The following PAK5 variants were observed in gnomAD, a reference collection of about 807,000 sequenced individuals.
PAK5 encodes the protein p21 (RAC1) activated kinase 5, also known as serine/threonine-protein kinase PAK 5.
PAK5 carries 16 observed loss-of-function variants against 65.9 expected under a neutral mutation model. The observed-to-expected ratio is 0.24, with a 90% CI of 0.16 to 0.37. The LOEUF is 0.37. Among genes scored for constraint, PAK5 ranks in the 10% least tolerant of loss-of-function variants. The probability of loss-of-function intolerance (pLI) is 1.00; values close to 1 mark genes in which losing one functional copy is unlikely to be tolerated. For missense variants in PAK5, 785 were observed against 903.9 expected, an observed-to-expected ratio of 0.87 and a Z score of 1.69; for synonymous variants, 371 against 354.9, an observed-to-expected ratio of 1.05 and a Z score of -0.51.
chr20:9,816,713 T>TG (rs1232906467), intron 1 of PAK5, among the ~76,000 whole-genome samples: 2 of 152,156 alleles, frequency 1.3e-5, no homozygotes, highest in Admixed American at 6.6e-5. Flanking sequence ...GTCTTTAGCT[T>TG]GCAGATAGCA....
intron 7 of PAK5, among the ~76,000 whole-genome samples, chr20:9,547,302 C>T (rs1360471004): frequency 6.6e-6 from 1 of 152,130 alleles, no homozygotes; most frequent in Non-Finnish European, 1.5e-5. Context: ...CATGAGAATA[C>T]ATTTCATGCA....
At chr20:9,689,734 T>C (rs2047766835) in intron 2 of PAK5, among the ~76,000 whole-genome samples, 1 of 152,222 alleles carries the variant, frequency 6.6e-6, no homozygotes, top group Non-Finnish European at 1.5e-5. Flanking sequence ...ATGATTACCT[T>C]GGGGTTTGAA....
chr20:9,736,153 G>A (rs1286507849), intron 1 of PAK5, among the ~76,000 whole-genome samples: 1 of 151,764 alleles, frequency 6.6e-6, no homozygotes, highest in Non-Finnish European at 1.5e-5. Context: ...CACCCACCTC[G>A]GCATCCCAAA....
intron 4 of PAK5, among the ~76,000 whole-genome samples, chr20:9,575,102 C>T (rs2045862577): frequency 6.6e-6 from 1 of 152,202 alleles, no homozygotes; most frequent in Non-Finnish European, 1.5e-5. Context: ...CCAGGGAAAG[C>T]AAAGTGATAG....
chr20:9,776,430 T>C (rs2048887679), intron 1 of PAK5, among the ~76,000 whole-genome samples: 1 of 152,230 alleles, frequency 6.6e-6, no homozygotes, highest in African/African-American at 2.4e-5. Flanking sequence ...ATGGGGAGTA[T>C]GGTGGCTTTA....
chr20:9,589,446 T>C (rs997468448), intron 3 of PAK5, among the ~76,000 whole-genome samples: 1 of 152,230 alleles, frequency 6.6e-6, no homozygotes, highest in Non-Finnish European at 1.5e-5. Context: ...AGATATTTTA[T>C]CTATTTTCTT....
chr20:9,610,466 C>T (rs952809252), intron 3 of PAK5, among the ~76,000 whole-genome samples: 6 of 152,174 alleles, frequency 3.9e-5, no homozygotes, highest in African/African-American at 1.4e-4. Flanking sequence ...TAGACCGATT[C>T]TGCATGGTGC....
chr20:9,667,000 G>C (rs143846093), intron 2 of PAK5, among the ~76,000 whole-genome samples: 1 of 152,076 alleles, frequency 6.6e-6, no homozygotes, highest in African/African-American at 2.4e-5. Context: ...AGAGTAGATC[G>C]GGCATAGTGG....
At chr20:9,773,890 G>T (rs566776756) in intron 1 of PAK5, among the ~76,000 whole-genome samples, 14 of 152,342 alleles carry the variant, frequency 9.2e-5, no homozygotes, top group Non-Finnish European at 1.5e-4. Flanking sequence ...TGCTCAGGCA[G>T]TCTGAGTCCT....
chr20:9,589,859 G>C (rs1018421104), intron 3 of PAK5, among the ~76,000 whole-genome samples: 5 of 152,050 alleles, frequency 3.3e-5, no homozygotes, highest in African/African-American at 1.2e-4. Context: ...TAGTGGAGAT[G>C]GGGTTTCACC....
At chr20:9,727,081 A>G (rs2048285575) in intron 1 of PAK5, among the ~76,000 whole-genome samples, 1 of 152,198 alleles carries the variant, frequency 6.6e-6, no homozygotes, top group Admixed American at 6.5e-5. Context: ...TACAGGGAAT[A>G]TCAAACGTGT....
intron 1 of PAK5, among the ~76,000 whole-genome samples, chr20:9,794,181 G>T (rs6039584): frequency 6.6e-6 from 1 of 151,312 alleles, no homozygotes; most frequent in African/African-American, 2.4e-5. Flanking sequence ...ATGTTGGGGG[G>T]TGGGGGCAAG....
At chr20:9,565,790 T>C in intron 5 of PAK5, 103 bp downstream of exon 5, 1 of 1,208,808 alleles carries the variant, frequency 8.3e-7, no homozygotes, top group Non-Finnish European at 1.2e-6. Flanking sequence ...TCTTTATATT[T>C]TCAGTGCTTT....
At chr20:9,725,964 T>C (rs1348260888) in intron 1 of PAK5, among the ~76,000 whole-genome samples, 2 of 152,126 alleles carry the variant, frequency 1.3e-5, no homozygotes, top group Non-Finnish European at 2.9e-5. Context: ...TTTGACATCC[T>C]AGAGGAAAGG....
intron 2 of PAK5, among the ~76,000 whole-genome samples, chr20:9,652,444 AT>A (rs1198655453): frequency 1.3e-5 from 2 of 152,208 alleles, no homozygotes; most frequent in Admixed American, 1.3e-4. Context: ...CTAAAAAAAA[AT>A]CATTATGTGT....
At chr20:9,544,339 C>G (rs1488448248) in intron 8 of PAK5, 30 bp downstream of exon 8, 1 of 1,608,784 alleles carries the variant, frequency 6.2e-7, no homozygotes, top group East Asian at 2.2e-5. Context: ...GTCCCCAGTC[C>G]TGCCACGCCT....
At chr20:9,738,150 AAAACAAAC>A (rs776530449) in intron 1 of PAK5, among the ~76,000 whole-genome samples, 10 of 152,214 alleles carry the variant, frequency 6.6e-5, no homozygotes, top group African/African-American at 2.2e-4. Context: ...TCAAAAACAA[AAAACAAAC>A]AAACAAACAA....
chr20:9,638,918 C>T (rs1007659825), intron 3 of PAK5, among the ~76,000 whole-genome samples: 6 of 152,294 alleles, frequency 3.9e-5, no homozygotes, highest in East Asian at 1.9e-4. Flanking sequence ...ACACTTCCTC[C>T]GTTGACTGTT....
intron 1 of PAK5, among the ~76,000 whole-genome samples, chr20:9,812,413 A>G (rs2049308250): frequency 6.6e-6 from 1 of 152,194 alleles, no homozygotes; most frequent in South Asian, 2.1e-4. Context: ...GGGAAATGTG[A>G]AATAAAACCA....
Sources: allele counts gnomAD v4.1 joint callset (sites outside exome capture counted in the v4.1 genomes callset), GRCh38; gene constraint gnomAD v4.1.1; transcripts MANE v1.5; gene names NCBI Gene and HGNC (gene_info 2026-07-23, HGNC 2026-07-21).